Variants in PPP1R16B observed in about 807,000 individuals in gnomAD.
The protein encoded by PPP1R16B is protein phosphatase 1 regulatory inhibitor subunit 16B.
A neutral mutation model predicts 61.7 loss-of-function variants in PPP1R16B; 14 were observed. The observed-to-expected ratio is 0.23, with a 90% CI of 0.15 to 0.35. The LOEUF (loss-of-function observed/expected upper bound fraction) is 0.35, where lower values mean the gene tolerates loss of function less well. Among genes scored for constraint, PPP1R16B ranks in the 10% least tolerant of loss-of-function variants. The pLI is 1.00. For missense variants in PPP1R16B, 547 were observed against 752.5 expected, an observed-to-expected ratio of 0.73 and a Z score of 3.19; for synonymous variants, 266 against 305.3, an observed-to-expected ratio of 0.87 and a Z score of 1.34.
At chr20:38,831,264 A>G (rs2084835359) in intron 1 of PPP1R16B, among the ~76,000 whole-genome samples, 1 of 152,218 alleles carries the variant, frequency 6.6e-6, no homozygotes, top group Admixed American at 6.5e-5. Flanking sequence ...TTGCTCTCCC[A>G]GATCCTGGCA....
At chr20:38,819,285 A>T (rs2084758481) in intron 1 of PPP1R16B, among the ~76,000 whole-genome samples, 2 of 152,160 alleles carry the variant, frequency 1.3e-5, no homozygotes, top group African/African-American at 4.8e-5. Flanking sequence ...AAATAGTATG[A>T]GTAGCTAAAA....
Position 38,921,220 on chromosome 20 carries a change from A to AG in PPP1R16B, c.*2555dup, listed in dbSNP as rs1417636936. 1 of 152,244 alleles carries AG rather than the reference A, an allele frequency of 6.6e-6. No individual in the cohort carries two copies. Among genetic ancestry groups the AG allele is most frequent in the African/African-American group, 2.4e-5 (1 of 41,474 alleles). 9.4% of individuals were successfully genotyped at this position (152,244 alleles called of 1,614,324 possible). The stretch of plus-strand genomic sequence containing the variant: ...TAAACCATCCCTTCTTGGGGCTTTA[A>AG]GTCCCTGGGGAGCTTTCCCTGTAGG... On this transcript the variant is annotated 3_prime_UTR_variant, in exon 11 of 11. Transcript: ENST00000299824.
At chr20:38,843,477 G>C (rs757950475) in intron 2 of PPP1R16B, among the ~76,000 whole-genome samples, 4 of 152,218 alleles carry the variant, frequency 2.6e-5, no homozygotes, top group Non-Finnish European at 4.4e-5. Flanking sequence ...CTGCCATGTG[G>C]CCCTCTCTAT....
chr20:38,857,427 C>T (rs1175633167), intron 2 of PPP1R16B, among the ~76,000 whole-genome samples: 4 of 152,168 alleles, frequency 2.6e-5, no homozygotes, highest in African/African-American at 7.2e-5. Flanking sequence ...GCAATGCAAT[C>T]GCATTGTCAC....
chr20:38,894,834 G>A (rs557376408), intron 3 of PPP1R16B, among the ~76,000 whole-genome samples: 8 of 152,172 alleles, frequency 5.3e-5, no homozygotes, highest in South Asian at 2.1e-4. Context: ...TGGAGCCTGC[G>A]TTCTCTCTAG....
chr20:38,828,850 T>C (rs753783420), intron 1 of PPP1R16B, among the ~76,000 whole-genome samples: 23 of 152,184 alleles, frequency 1.5e-4, no homozygotes, highest in Non-Finnish European at 3.1e-4. Flanking sequence ...CCCAGAGGTA[T>C]ATTTATTCCC....
intron 1 of PPP1R16B, among the ~76,000 whole-genome samples, chr20:38,814,004 C>T (rs1007259496): frequency 2.0e-5 from 3 of 151,930 alleles, no homozygotes; most frequent in Non-Finnish European, 4.4e-5. Flanking sequence ...ACCATGTTGG[C>T]CAGGCTGGTC....
chr20:38,869,307 CA>C (rs1178222812), intron 2 of PPP1R16B, among the ~76,000 whole-genome samples: 126 of 152,098 alleles, frequency 8.3e-4, no homozygotes, highest in Middle Eastern at 3.4e-3. Flanking sequence ...TACAGGCGTG[CA>C]CCACCATGCC....
Position 38,900,581 on chromosome 20 carries a change from T to C in PPP1R16B, c.468T>C (p.Tyr156=). The C allele has an allele frequency of 1.9e-6, 3 of 1,599,860 alleles. No homozygotes were observed. Among genetic ancestry groups the C allele is most frequent in the South Asian group, 1.1e-5 (1 of 88,096 alleles). The part of the protein sequence containing the change: ...HINLVKILVQ[Y]GADLLAVNSD... ...CCTCACCCTGCCTCTTTCTCTGCAG[T>C]GGGGCCGACTTGCTTGCTGTCAACT... Residue 156 remains tyrosine (Y), a splice_region_variant and synonymous_variant, in exon 5 of 11, where the codon TAT becomes TAC. Transcript: ENST00000299824.
At chr20:38,888,876 AACACACACACACACACACACACACAC>A (rs1181903301) in intron 2 of PPP1R16B, among the ~76,000 whole-genome samples, 3 of 112,238 alleles carry the variant, frequency 2.7e-5, no homozygotes, top group Admixed American at 9.1e-5. Context: ...AGAATCCCTG[AACACACACACACACACACACACACAC>A]ACACACACAC....
At position 38,918,030 on chromosome 20, in the gene PPP1R16B, C is replaced by G. The variant is rs2085556139; in HGVS notation, c.1195-127C>G. On this transcript the variant is annotated intron_variant, in intron 10 of 10. Transcript: ENST00000299824. The surrounding 1 kb of genome is among the most constrained non-coding windows in gnomAD (Gnocchi z 5.3). ...GGGTTCCCCAAAGGAAAACCCTGGC[C>G]CCGATACCCAGGGAGAGAAAACAGA... 1 of 1,297,212 alleles carries G rather than the reference C, an allele frequency of 7.7e-7. No individual in the cohort carries two copies. Among genetic ancestry groups the G allele is most frequent in the Admixed American group, 2.1e-5 (1 of 47,640 alleles). 80.4% of individuals were successfully genotyped at this position (1,297,212 alleles called of 1,614,324 possible).
At chr20:38,860,639 C>G (rs932318426) in intron 2 of PPP1R16B, among the ~76,000 whole-genome samples, 1 of 152,118 alleles carries the variant, frequency 6.6e-6, no homozygotes, top group East Asian at 1.9e-4. Flanking sequence ...AGACTGTGGT[C>G]GCACCTTTGC....
chr20:38,878,689 A>G (rs2085185030), intron 2 of PPP1R16B, among the ~76,000 whole-genome samples: 2 of 152,196 alleles, frequency 1.3e-5, no homozygotes, highest in South Asian at 2.1e-4. Context: ...GGGATAATAC[A>G]TGTAACATCC....
intron 6 of PPP1R16B, among the ~76,000 whole-genome samples, chr20:38,904,872 G>T (rs1177271059): frequency 6.6e-6 from 1 of 152,104 alleles, no homozygotes; most frequent in African/African-American, 2.4e-5. Context: ...ATCTTGGCTG[G>T]GCAGTTGATG....
intron 2 of PPP1R16B, among the ~76,000 whole-genome samples, chr20:38,886,376 C>T (rs975885928): frequency 6.6e-6 from 1 of 152,182 alleles, no homozygotes; most frequent in Admixed American, 6.5e-5. Context: ...TTACTGTGCA[C>T]AAACACTGCT....
At chr20:38,824,069 C>A (rs2084789173) in intron 1 of PPP1R16B, among the ~76,000 whole-genome samples, 1 of 152,310 alleles carries the variant, frequency 6.6e-6, no homozygotes, top group East Asian at 1.9e-4. Flanking sequence ...AGTTCCCTAA[C>A]CTCTCCGAGT....
chr20:38,817,861 G>A (rs2084748321), intron 1 of PPP1R16B, among the ~76,000 whole-genome samples: 1 of 152,132 alleles, frequency 6.6e-6, no homozygotes, highest in African/African-American at 2.4e-5. Context: ...TGGCTAACAC[G>A]GTGAAACCCC....
Position 38,866,526 on chromosome 20 carries a change from C to T in PPP1R16B, c.251-23069C>T, listed in dbSNP as rs1018634627. On this transcript the variant is annotated intron_variant, in intron 2 of 10. Transcript: ENST00000299824. Reference sequence around the variant, plus strand: ...ACTCTTGTGGCTAGCCCTTCAGAAACGAACCCAAAGAAGGCCTGCTTGCTT... The same window carrying T: ...ACTCTTGTGGCTAGCCCTTCAGAAATGAACCCAAAGAAGGCCTGCTTGCTT... Among the ~76,000 whole-genome samples, 7 of 152,208 alleles carry T rather than the reference C, an allele frequency of 4.6e-5. No individual in the cohort carries two copies. In the East Asian group the frequency reaches 1.2e-3, roughly 25 times the overall value.
intron 2 of PPP1R16B, among the ~76,000 whole-genome samples, chr20:38,857,580 A>G (rs926878747): frequency 1.3e-5 from 2 of 152,226 alleles, no homozygotes; most frequent in Non-Finnish European, 2.9e-5. Context: ...TGGATTTTAT[A>G]TAGATAGATC....
Sources: gnomAD v4.1 joint callset for allele counts (sites outside exome capture counted in the v4.1 genomes callset) on GRCh38, gnomAD v4.1.1 for gene constraint, Gnocchi (gnomAD v3.1) non-coding constraint, MANE v1.5 for transcripts, NCBI Gene and HGNC (gene_info 2026-07-23, HGNC 2026-07-21) for gene names.